Variants in SLC1A2 observed in about 807,000 individuals in gnomAD.
SLC1A2 encodes excitatory amino acid transporter 2.
SLC1A2 carries 15 observed loss-of-function variants against 48.8 expected under a neutral mutation model. The ratio of observed to expected loss-of-function variants is 0.31; its 90% CI spans 0.21 to 0.47. SLC1A2 has a LOEUF of 0.47. Among genes scored for constraint, SLC1A2 ranks in the 20% least tolerant of loss-of-function variants. SLC1A2 has a pLI of 0.99. For synonymous variants in SLC1A2, 279 were observed against 272.6 expected (o/e 1.02, Z -0.23); for missense variants, 502 against 730.5 (o/e 0.69, Z 3.61).
intron 1 of SLC1A2, among the ~76,000 whole-genome samples, chr11:35,382,782 C>T (rs1049304755): frequency 2.0e-5 from 3 of 149,232 alleles, no homozygotes; most frequent in African/African-American, 5.0e-5. Flanking sequence ...GGCAACAGAG[C>T]GAGACTCAGT....
chr11:35,268,021 A>G (rs556702908), intron 9 of SLC1A2, among the ~76,000 whole-genome samples: 1 of 152,256 alleles, frequency 6.6e-6, no homozygotes, highest in African/African-American at 2.4e-5. Context: ...TCCAGTCTGC[A>G]TTTCCCCTTT....
chr11:35,282,597 G>A (rs969514230), intron 8 of SLC1A2, among the ~76,000 whole-genome samples: 1 of 149,276 alleles, frequency 6.7e-6, no homozygotes, highest in Non-Finnish European at 1.5e-5. Context: ...CTTCCCTAAA[G>A]CCCTGAAAGC....
chr11:35,334,401 C>T (rs907285377), intron 1 of SLC1A2, among the ~76,000 whole-genome samples: 4 of 152,150 alleles, frequency 2.6e-5, no homozygotes, highest in African/African-American at 9.7e-5. Context: ...AAAATTTATT[C>T]ACCAGGCTAC....
intron 3 of SLC1A2, among the ~76,000 whole-genome samples, chr11:35,312,917 T>C (rs1851753585): frequency 1.3e-5 from 2 of 152,210 alleles, no homozygotes; most frequent in Non-Finnish European, 1.5e-5. Context: ...CATTCTATTA[T>C]CCAGGGAGAT....
Position 35,253,902 on chromosome 11 carries a change from A to G in SLC1A2, c.*6992T>C, listed in dbSNP as rs1302832334. On this transcript the variant is annotated 3_prime_UTR_variant, in exon 11 of 11. Coordinates refer to ENST00000278379, the MANE Select transcript of SLC1A2 (RefSeq NM_004171.4). ...ATTTCTGAAGAATAGTTACAAACCTATAACATTATTAAAGGCTAAATTAAT... is the reference window on the plus strand; with the variant it reads ...ATTTCTGAAGAATAGTTACAAACCTGTAACATTATTAAAGGCTAAATTAAT... 1 of 152,636 alleles carries G rather than the reference A, an allele frequency of 6.6e-6. No individual in the cohort carries two copies. Among genetic ancestry groups the G allele is most frequent in the African/African-American group, 2.4e-5 (1 of 41,466 alleles). The allele number at this position is 152,636 out of a possible 1,614,324, so 9.5% of individuals were successfully genotyped here.
intron 6 of SLC1A2, among the ~76,000 whole-genome samples, chr11:35,292,989 C>CAG (rs144246892): frequency 0.5 from 74,986 of 150,058 alleles, 20,682 homozygotes; most frequent in Middle Eastern, 0.64. Flanking sequence ...GAGAGAGAGA[C>CAG]AGAGAGAGAG....
In SLC1A2 at chr11:35,251,530, C is replaced by T. The variant is rs532035609; in HGVS notation, c.*9364G>A. 2.0e-5 allele frequency: 3 copies of T among 152,558 alleles called. No homozygotes were observed. Among genetic ancestry groups the T allele is most frequent in the South Asian group, 2.1e-4 (1 of 4,828 alleles). The allele number at this position is 152,558 out of a possible 1,614,324, so 9.5% of individuals were successfully genotyped here. A position where few individuals can be genotyped will look rare whatever the true frequency, so the allele number is the denominator to read the frequency against. Reference sequence around the variant, plus strand: ...TATGTGCTATAGATGCTCTGTGCTACGTGACTTCAGACCAATGGGGATTGT... The same window carrying T: ...TATGTGCTATAGATGCTCTGTGCTATGTGACTTCAGACCAATGGGGATTGT... On this transcript the variant is annotated 3_prime_UTR_variant, in exon 11 of 11. Transcript: ENST00000278379.
intron 9 of SLC1A2, among the ~76,000 whole-genome samples, chr11:35,274,866 C>T (rs916362424): frequency 1.3e-5 from 2 of 152,164 alleles, no homozygotes; most frequent in South Asian, 4.1e-4. Context: ...TAGCTATTTG[C>T]ATCCTGTATC....
chr11:35,266,015 T>C (rs143222501), intron 9 of SLC1A2, among the ~76,000 whole-genome samples: 156 of 152,304 alleles, frequency 1.0e-3, no homozygotes, highest in African/African-American at 3.5e-3. Context: ...GTAAAATGTC[T>C]GGCAAATGGT....
intron 9 of SLC1A2, among the ~76,000 whole-genome samples, chr11:35,278,263 G>GTTTT (rs1170822746): frequency 9.6e-6 from 1 of 103,808 alleles, no homozygotes; most frequent in Non-Finnish European, 1.9e-5. Flanking sequence ...TCTTACTTCT[G>GTTTT]TTTTTTTTTG....
chr11:35,300,119 G>A (rs1591444389), intron 6 of SLC1A2, among the ~76,000 whole-genome samples: 1 of 152,162 alleles, frequency 6.6e-6, no homozygotes, highest in African/African-American at 2.4e-5. Flanking sequence ...AGATTTCAGA[G>A]TCACTGACTA....
rs1289411619 is a variant in SLC1A2 at position 35,373,527 on chromosome 11, A to AGGTAGAAACAAGGGTGAGAGG, written c.17+45422_17+45423insCCTCTCACCCTTGTTTCTACC. 2.0e-4 allele frequency among the ~76,000 whole-genome samples: 30 copies of AGGTAGAAACAAGGGTGAGAGG among 152,268 alleles called. No homozygotes were observed. In the East Asian group the frequency reaches 5.8e-3, roughly 29 times the overall value. ...CAGAAGGTAGAAACAAGGGTGAGAG[A>AGGTAGAAACAAGGGTGAGAGG]AGCAGAAACAAAGGTTGAGGTACAA... On this transcript the variant is annotated intron_variant, in intron 1 of 10. Transcript: ENST00000278379.
intron 1 of SLC1A2, among the ~76,000 whole-genome samples, chr11:35,351,290 C>G (rs915792090): frequency 6.6e-6 from 1 of 152,232 alleles, no homozygotes; most frequent in Non-Finnish European, 1.5e-5. Context: ...CTGCATAATG[C>G]TCTCCCCAGT....
chr11:35,294,843 A>G (rs1851122089), intron 6 of SLC1A2, among the ~76,000 whole-genome samples: 1 of 152,190 alleles, frequency 6.6e-6, no homozygotes, highest in Admixed American at 6.5e-5. Flanking sequence ...ATGAGCTCCC[A>G]TTGTAAATGG....
At chr11:35,334,839 G>C (rs1161226459) in intron 1 of SLC1A2, among the ~76,000 whole-genome samples, 1 of 137,230 alleles carries the variant, frequency 7.3e-6, no homozygotes, top group Admixed American at 7.1e-5. Flanking sequence ...GTTTTGTTTT[G>C]TTTTGTTTTG....
intron 1 of SLC1A2, among the ~76,000 whole-genome samples, chr11:35,341,763 T>C (rs1014899323): frequency 3.3e-5 from 5 of 152,246 alleles, no homozygotes; most frequent in Non-Finnish European, 7.3e-5. Flanking sequence ...CAAAATGTTT[T>C]TCTTAACATC....
intron 1 of SLC1A2, among the ~76,000 whole-genome samples, chr11:35,401,645 T>C (rs1170260618): frequency 1.3e-5 from 2 of 152,086 alleles, no homozygotes; most frequent in Non-Finnish European, 2.9e-5. Flanking sequence ...ACGTCCTAGC[T>C]GCATACTATT....
Position 35,252,570 on chromosome 11 carries a change from C to A in SLC1A2, c.*8324G>T, listed in dbSNP as rs898118069. On this transcript the variant is annotated 3_prime_UTR_variant, in exon 11 of 11. Coordinates refer to ENST00000278379, the MANE Select transcript of SLC1A2 (RefSeq NM_004171.4). ...TATTTACAAAGGTGCTGGACACACA[C>A]AGACTTTCAAACAATCATCAGTACA... 6.6e-6 allele frequency: 1 copy of A among 152,172 alleles called. No individual in the cohort carries two copies. Among genetic ancestry groups the A allele is most frequent in the South Asian group, 2.1e-4 (1 of 4,826 alleles). The allele number at this position is 152,172 out of a possible 1,614,324, so 9.4% of individuals were successfully genotyped here.
At chr11:35,287,504 T>A (rs1850865268) in intron 7 of SLC1A2, among the ~76,000 whole-genome samples, 1 of 152,352 alleles carries the variant, frequency 6.6e-6, no homozygotes, top group Middle Eastern at 3.4e-3. Flanking sequence ...AGCATGAACC[T>A]GAGCTTCAAG....
Sources: gnomAD v4.1 joint callset for allele counts (sites outside exome capture counted in the v4.1 genomes callset) on GRCh38, gnomAD v4.1.1 for gene constraint, MANE v1.5 for transcripts, NCBI Gene and HGNC (gene_info 2026-07-23, HGNC 2026-07-21) for gene names.